The following TM6SF1 variants were observed in gnomAD, a reference collection of about 807,000 sequenced individuals.
The protein encoded by TM6SF1 is transmembrane 6 superfamily member 1.
A neutral mutation model predicts 47.1 loss-of-function variants in TM6SF1; 43 were observed. The observed-to-expected ratio is 0.91, with a 90% CI of 0.72 to 1.18. TM6SF1 has a LOEUF of 1.18. TM6SF1 is among the 50% of genes most tolerant of loss of function. The pLI, the probability that TM6SF1 is intolerant of heterozygous loss-of-function variation, is 0.00. For synonymous variants in TM6SF1, 177 were observed against 166.3 expected, an observed-to-expected ratio of 1.06 and a Z score of -0.49; for missense variants, 390 against 449.0, an observed-to-expected ratio of 0.87 and a Z score of 1.19.
intron 5 of TM6SF1, among the ~76,000 whole-genome samples, chr15:83,122,506 C>A (rs1253872632): frequency 1.3e-5 from 2 of 152,162 alleles, no homozygotes; most frequent in Non-Finnish European, 2.9e-5. Flanking sequence ...GTTGCCCAGG[C>A]TGGCTTGCAG....
chr15:83,126,659 G>A (rs2035773483), intron 7 of TM6SF1, 96 bp from the exon 8 acceptor site: 2 of 945,436 alleles, frequency 2.1e-6, no homozygotes, highest in Admixed American at 2.2e-5. Flanking sequence ...AAACAGCAAA[G>A]CAGCTTGTGA....
At chr15:83,133,807 A>G (rs990443310) in intron 9 of TM6SF1, 1 of 152,190 alleles carries the variant, frequency 6.6e-6, no homozygotes, top group African/African-American at 2.4e-5. Flanking sequence ...CTCAGGTGAG[A>G]CTGTTTTTCT....
At chr15:83,125,258 A>AT (rs2035633753) in intron 7 of TM6SF1, among the ~76,000 whole-genome samples, 1 of 152,146 alleles carries the variant, frequency 6.6e-6, no homozygotes, top group Non-Finnish European at 1.5e-5. Context: ...TGTTGAGTAA[A>AT]TTCATCTCAC....
chr15:83,122,410 GATAGAT>G (rs1006309990), intron 5 of TM6SF1, among the ~76,000 whole-genome samples: 3 of 151,920 alleles, frequency 2.0e-5, no homozygotes, highest in African/African-American at 4.8e-5. Flanking sequence ...TAGATAGATA[GATAGAT>G]ATAGATATAG....
rs2036658102 is a variant in TM6SF1, at chr15:83,137,057, A to T, written c.*385A>T. 6.5e-6 allele frequency: 1 copy of T among 154,308 alleles called. No homozygotes were observed. 9.6% of individuals were successfully genotyped at this position (154,308 alleles called of 1,614,324 possible). ...TTAAAAAATTCAAAACAGTGAATGC[A>T]GACTGGAGGAGTAACTTTTGCAAAT... is the stretch of plus-strand genomic sequence containing the variant. On this transcript the variant is annotated 3_prime_UTR_variant, in exon 10 of 10. Transcript: ENST00000322019.
chr15:83,110,029 A>G (rs977470647), intron 1 of TM6SF1, among the ~76,000 whole-genome samples: 8 of 151,986 alleles, frequency 5.3e-5, no homozygotes, highest in Admixed American at 5.2e-4. Context: ...ACCCCTCTGT[A>G]CTGTCCTGCC....
chr15:83,117,944 T>C (rs1005725299), intron 3 of TM6SF1, among the ~76,000 whole-genome samples: 2 of 151,746 alleles, frequency 1.3e-5, no homozygotes, highest in Admixed American at 6.6e-5. Flanking sequence ...AGAGGGAGAA[T>C]TGCCGGGGTG....
At chr15:83,112,997 C>G (rs541910044) in intron 2 of TM6SF1, 97 bp downstream of exon 2, 6 of 1,052,950 alleles carry the variant, frequency 5.7e-6, no homozygotes, top group Admixed American at 5.3e-5. Flanking sequence ...ATACTCTGAG[C>G]CCTTTGGTAA....
At chr15:83,122,412 T>C (rs975800166) in intron 5 of TM6SF1, among the ~76,000 whole-genome samples, 1 of 152,080 alleles carries the variant, frequency 6.6e-6, no homozygotes, top group Non-Finnish European at 1.5e-5. Flanking sequence ...GATAGATAGA[T>C]AGATATAGAT....
intron 2 of TM6SF1, chr15:83,114,462 G>A (rs2034473132): frequency 6.6e-6 from 1 of 152,286 alleles, no homozygotes; most frequent in African/African-American, 2.4e-5. Flanking sequence ...TAATCACCTG[G>A]GAGGCTTCTG....
At chr15:83,125,223 G>C (rs2046219906) in intron 7 of TM6SF1, among the ~76,000 whole-genome samples, 2 of 152,194 alleles carry the variant, frequency 1.3e-5, no homozygotes, top group South Asian at 4.2e-4. Context: ...GTAGGGTCAT[G>C]GGAATGTCTC....
intron 9 of TM6SF1, chr15:83,130,928 A>C (rs936030016): frequency 4.0e-5 from 6 of 151,724 alleles, no homozygotes; most frequent in Non-Finnish European, 7.4e-5. Flanking sequence ...CCATCTCTAC[A>C]AAAAATACAA....
chr15:83,128,583 G>A (rs2035973764), intron 9 of TM6SF1: 1 of 152,024 alleles, frequency 6.6e-6, no homozygotes, highest in African/African-American at 2.4e-5. Context: ...ATAACTTCCA[G>A]TTTTCTACCT....
chr15:83,124,997 G>A (rs1377243448), intron 7 of TM6SF1, among the ~76,000 whole-genome samples: 1 of 152,120 alleles, frequency 6.6e-6, no homozygotes, highest in South Asian at 2.1e-4. Context: ...GCTCTACTCA[G>A]AAGCATCTTC....
chr15:83,118,527 A>C (rs1272744654), intron 3 of TM6SF1, among the ~76,000 whole-genome samples: 2 of 152,166 alleles, frequency 1.3e-5, no homozygotes, highest in African/African-American at 4.8e-5. Context: ...ATGGGTGTAG[A>C]AGCAGAACCT....
chr15:83,123,025 C>A, intron 6 of TM6SF1, 147 bp downstream of exon 6: 1 of 870,586 alleles, frequency 1.1e-6, no homozygotes, highest in Non-Finnish European at 1.7e-6. Flanking sequence ...GTAGCATTAG[C>A]TTACGTATTA....
Position 83,126,798 on chromosome 15 carries a change from A to T in TM6SF1, c.752A>T (p.Gln251Leu). 6.2e-7 allele frequency: 1 copy of T among 1,614,074 alleles called. No individual in the cohort carries two copies. The highest frequency in any genetic ancestry group is 8.5e-7 in the Non-Finnish European group (1 of 1,179,990). ...CPSELCRLYTQFQEPYLKDPA... is the reference protein window; with the variant it reads ...CPSELCRLYTLFQEPYLKDPA... ...TCTGAGCTCTGCCGATTATATACGC[A>T]ATTTCAAGAGCCCTATCTAAAGGAT... The change falls in exon 8 of 10, where the codon CAA (glutamine) becomes CTA (leucine). Residue 251 changes from glutamine to leucine, a missense_variant. Physicochemically the swap from Gln to Leu is moderately radical, Grantham distance 113. Transcript: ENST00000322019.
At chr15:83,118,226 TACGTACACACACAC>T (rs2034865829) in intron 3 of TM6SF1, among the ~76,000 whole-genome samples, 1 of 143,522 alleles carries the variant, frequency 7.0e-6, no homozygotes, top group Non-Finnish European at 1.5e-5. Context: ...CCTGTCTCTG[TACGTACACACACAC>T]ACACACACAC....
intron 7 of TM6SF1, among the ~76,000 whole-genome samples, chr15:83,125,033 A>G (rs1398159880): frequency 1.3e-5 from 2 of 152,172 alleles, no homozygotes; most frequent in Non-Finnish European, 1.5e-5. Flanking sequence ...CATCTAAAAA[A>G]TCAGCCATCA....
Sources: gnomAD v4.1 joint callset for allele counts (sites outside exome capture counted in the v4.1 genomes callset) on GRCh38, gnomAD v4.1.1 for gene constraint, MANE v1.5 for transcripts, NCBI Gene and HGNC (gene_info 2026-07-23, HGNC 2026-07-21) for gene names.